Variants in LAMA1 observed in about 807,000 individuals in gnomAD.
LAMA1 encodes the protein laminin subunit alpha 1.
Under a neutral mutation model 348.7 loss-of-function variants are expected in LAMA1, and 219 were observed. That is an observed-to-expected ratio of 0.63 (90% confidence interval 0.56 to 0.70). The LOEUF (loss-of-function observed/expected upper bound fraction) is 0.70, where lower values mean the gene tolerates loss of function less well. Ranked by LOEUF, LAMA1 falls within the 30% of genes least tolerant of loss-of-function variation. The pLI, the probability that LAMA1 is intolerant of heterozygous loss-of-function variation, is 0.00. For missense variants in LAMA1, 3,744 were observed against 3,888.0 expected (o/e 0.96, Z 0.99); for synonymous variants, 1,487 against 1,491.0 (o/e 1.00, Z 0.06).
chr18:6,983,587 C>T (rs507594), intron 39 of LAMA1, among the ~76,000 whole-genome samples: 126,090 of 152,184 alleles, frequency 0.83, 52,620 homozygotes, highest in East Asian at 0.99. Context: ...CCACTGCATG[C>T]TTGCATTGGT....
intron 25 of LAMA1, among the ~76,000 whole-genome samples, chr18:7,010,694 TG>T: frequency 6.6e-6 from 1 of 152,340 alleles, no homozygotes; most frequent in Non-Finnish European, 1.5e-5. Context: ...CCAGGAGCAC[TG>T]GGTGCATATT....
At chr18:6,978,418 TAC>T (rs759517957) in intron 42 of LAMA1, 40 bp from the exon 43 acceptor site, 20 of 1,533,714 alleles carry the variant, frequency 1.3e-5, no homozygotes, top group Non-Finnish European at 1.7e-5. Context: ...TTCTGGTGCT[TAC>T]ACACAGAGAA....
chr18:7,109,930 T>A (rs1375559544), intron 1 of LAMA1, among the ~76,000 whole-genome samples: 1 of 152,142 alleles, frequency 6.6e-6, no homozygotes, highest in African/African-American at 2.4e-5. Flanking sequence ...ACGCCTGTAA[T>A]CCCAGCACTT....
intron 1 of LAMA1, among the ~76,000 whole-genome samples, chr18:7,094,617 G>A (rs565745488): frequency 4.3e-4 from 66 of 151,984 alleles, no homozygotes; most frequent in Non-Finnish European, 6.6e-4. Context: ...CTTCATCCAA[G>A]TCTTGGAGAC....
chr18:7,017,480 T>C (rs2057894605), intron 19 of LAMA1, 96 bp from the exon 20 acceptor site: 1 of 838,096 alleles, frequency 1.2e-6, no homozygotes, highest in African/African-American at 1.7e-5. Context: ...ATGTAAACTT[T>C]CAATGTTTCA....
intron 1 of LAMA1, among the ~76,000 whole-genome samples, chr18:7,114,209 T>C (rs1476956766): frequency 1.3e-5 from 2 of 151,976 alleles, no homozygotes; most frequent in African/African-American, 2.4e-5. Flanking sequence ...GCAAGTACAA[T>C]AGGTGTAACA....
chr18:7,059,916 T>G (rs2058096292), intron 3 of LAMA1, among the ~76,000 whole-genome samples: 1 of 152,240 alleles, frequency 6.6e-6, no homozygotes, highest in Non-Finnish European at 1.5e-5. Context: ...TTGTGCTCTG[T>G]GAGATTTATG....
In LAMA1 at chr18:7,052,209, G is replaced by A. The variant is rs375771496; in HGVS notation, c.346-1273C>T. Among the ~76,000 whole-genome samples the A allele has an allele frequency of 1.1e-4, 16 of 149,668 alleles. No homozygotes were observed. In the East Asian group the frequency reaches 2.2e-3, roughly 21 times the overall value. ...TTTGGGAGGCCAAAGCTGGTGGATC[G>A]CCTGAGCCCAGGAGTTTGAGAACAC... On this transcript the variant is annotated intron_variant, in intron 3 of 62. Coordinates refer to ENST00000389658, the MANE Select transcript of LAMA1 (RefSeq NM_005559.4).
intron 1 of LAMA1, among the ~76,000 whole-genome samples, chr18:7,117,221 G>C (rs1005406065): frequency 4.5e-4 from 69 of 152,200 alleles, no homozygotes; most frequent in African/African-American, 1.6e-3. Flanking sequence ...CGACTCGGGA[G>C]AGCTCTTTCT....
chr18:7,092,174 A>C (rs2058241933), intron 1 of LAMA1, among the ~76,000 whole-genome samples: 1 of 152,142 alleles, frequency 6.6e-6, no homozygotes, highest in South Asian at 2.1e-4. Context: ...AAATGAAGCC[A>C]CCTCTTTATA....
intron 30 of LAMA1, among the ~76,000 whole-genome samples, chr18:7,001,247 T>C (rs1435112208): frequency 1.3e-5 from 2 of 152,222 alleles, no homozygotes; most frequent in Non-Finnish European, 2.9e-5. Flanking sequence ...TCCGTGTTTG[T>C]AAAATATTTC....
chr18:7,058,098 G>A (rs994187472), intron 3 of LAMA1, among the ~76,000 whole-genome samples: 8 of 151,838 alleles, frequency 5.3e-5, no homozygotes, highest in Non-Finnish European at 2.9e-5. Flanking sequence ...CTCCGCGCCT[G>A]GCCCAGCCCA....
chr18:6,972,033 A>G lies in LAMA1; in HGVS notation c.6775-52T>C, dbSNP rs180910593. 6.2e-6 allele frequency: 10 copies of G among 1,606,464 alleles called. No individual in the cohort carries two copies. The East Asian group carries it at 2.2e-4, about 36-fold the overall frequency. ...ACCAATATATAAGCTGACCAAGCAA[A>G]ATACATTCTCCAAGTGCACAAAACT... On this transcript the variant is annotated intron_variant, in intron 47 of 62. Transcript: ENST00000389658.
chr18:7,102,504 G>A (rs2058295574), intron 1 of LAMA1, among the ~76,000 whole-genome samples: 1 of 151,986 alleles, frequency 6.6e-6, no homozygotes, highest in East Asian at 1.9e-4. Flanking sequence ...AGAGTATTTT[G>A]AAGTCATATT....
chr18:7,044,555 T>C (rs1313347345), intron 7 of LAMA1, among the ~76,000 whole-genome samples, 167 bp downstream of exon 7: 2 of 152,148 alleles, frequency 1.3e-5, no homozygotes, highest in Non-Finnish European at 2.9e-5. Flanking sequence ...TAAAGATACA[T>C]TTAGGCCACA....
Position 6,971,825 on chromosome 18 carries a change from A to G in LAMA1, c.6899+32T>C, listed in dbSNP as rs1192191686. ...ACTTCTCAGATGTTAACAGAATAAC[A>G]TACTATGTGCTAAACCGTGACGACA... On this transcript the variant is annotated intron_variant, in intron 48 of 62. Coordinates refer to ENST00000389658, the MANE Select transcript of LAMA1 (RefSeq NM_005559.4). The G allele has an allele frequency of 1.9e-6, 3 of 1,613,838 alleles. No individual in the cohort carries two copies. The Admixed American group carries it at 5.0e-5, about 27-fold the overall frequency.
chr18:7,008,020 C>A (rs1222251509), intron 28 of LAMA1, among the ~76,000 whole-genome samples: 2 of 152,068 alleles, frequency 1.3e-5, no homozygotes, highest in Admixed American at 6.6e-5. Context: ...GCAGCCTTCA[C>A]CTCCCAGGTT....
chr18:6,997,675 C>T (rs2057787902), intron 33 of LAMA1, 67 bp downstream of exon 33: 10 of 1,504,242 alleles, frequency 6.6e-6, no homozygotes, highest in African/African-American at 2.8e-5. Flanking sequence ...ATGACTCCCA[C>T]CATTCCCAAT....
intron 3 of LAMA1, among the ~76,000 whole-genome samples, chr18:7,076,029 C>A (rs77136593): frequency 0.014 from 2,087 of 151,954 alleles, 40 homozygotes; most frequent in African/African-American, 0.048. Context: ...AATAAGACAT[C>A]TCTCTATAAA....
Sources: allele counts gnomAD v4.1 joint callset (sites outside exome capture counted in the v4.1 genomes callset), GRCh38; gene constraint gnomAD v4.1.1; transcripts MANE v1.5; gene names NCBI Gene and HGNC (gene_info 2026-07-23, HGNC 2026-07-21).